CTNNA2: variants seen among roughly 807,000 people sequenced by gnomAD.
CTNNA2 encodes the protein catenin alpha 2.
Under a neutral mutation model 101.0 loss-of-function variants are expected in CTNNA2, and 42 were observed. The observed-to-expected ratio is 0.42, with a 90% CI of 0.32 to 0.54. CTNNA2 has a LOEUF of 0.54. Ranked by LOEUF, CTNNA2 falls within the 20% of genes least tolerant of loss-of-function variation. CTNNA2 has a pLI of 0.14. For missense variants in CTNNA2, 871 were observed against 1,223.1 expected (o/e 0.71, Z 4.29); for synonymous variants, 450 against 456.4 (o/e 0.99, Z 0.18).
At chr2:80,322,451 A>G (rs916268527) in intron 7 of CTNNA2, among the ~76,000 whole-genome samples, 3 of 152,100 alleles carry the variant, frequency 2.0e-5, no homozygotes, top group Non-Finnish European at 4.4e-5. Flanking sequence ...GTAACACACA[A>G]TTCGGGCCCA....
At chr2:79,334,329 T>C (rs1676942257) in intron 3 of CTNNA2, among the ~76,000 whole-genome samples, 1 of 151,750 alleles carries the variant, frequency 6.6e-6, no homozygotes, top group African/African-American at 2.4e-5. Context: ...ACCTAAAGAG[T>C]ATAACTCCAA....
intron 7 of CTNNA2, among the ~76,000 whole-genome samples, chr2:80,210,837 G>T (rs1558906285): frequency 6.6e-6 from 1 of 152,178 alleles, no homozygotes; most frequent in Non-Finnish European, 1.5e-5. Flanking sequence ...CACCAACAGT[G>T]TAAAAGTGTT....
intron 3 of CTNNA2, among the ~76,000 whole-genome samples, chr2:79,371,938 A>G (rs188696938): frequency 2.6e-5 from 4 of 152,278 alleles, no homozygotes; most frequent in Admixed American, 2.6e-4. Context: ...ATAACTTGTC[A>G]AGATGATCTG....
intron 2 of CTNNA2, among the ~76,000 whole-genome samples, chr2:79,661,463 C>G (rs934992530): frequency 6.6e-6 from 1 of 152,190 alleles, no homozygotes. Flanking sequence ...TAATGTACTA[C>G]TCAATTGATT....
chr2:80,334,844 T>C (rs572873717), intron 7 of CTNNA2, among the ~76,000 whole-genome samples: 1 of 152,278 alleles, frequency 6.6e-6, no homozygotes, highest in South Asian at 2.1e-4. Context: ...TGCAGGGACA[T>C]GAGATTTTAA....
chr2:79,742,667 G>C (rs888060772), intron 2 of CTNNA2, among the ~76,000 whole-genome samples: 1 of 152,152 alleles, frequency 6.6e-6, no homozygotes, highest in Non-Finnish European at 1.5e-5. Context: ...TGCCTCACAT[G>C]GGTGGCACTG....
intron 3 of CTNNA2, among the ~76,000 whole-genome samples, chr2:79,330,474 G>A (rs922049485): frequency 6.6e-6 from 1 of 152,120 alleles, no homozygotes. Flanking sequence ...CCCTGACTTT[G>A]TCTCCTCAGC....
Position 79,909,637 on chromosome 2 carries a change from T to G in CTNNA2, c.896T>G (p.Phe299Cys). Reference protein sequence around the residue: ...LDPMTFSEARFRPSLEERLES... With the variant: ...LDPMTFSEARCRPSLEERLES... ...CCCATGACGTTCAGCGAGGCCAGGT[T>G]CCGGCCGTCCCTGGAGGAGAGGCTG... The change falls in exon 7 of 19, where the codon TTC becomes TGC. Residue 299 changes from phenylalanine to cysteine, a missense_variant. Phe to Cys is a radical substitution (Grantham distance 205, BLOSUM62 -2). This residue lies in a region of CTNNA2 where 647 missense variants were observed against 831.5 expected (regional missense o/e 0.78). Transcript: ENST00000402739. 6.2e-7 allele frequency: 1 copy of G among 1,613,190 alleles called. No individual in the cohort carries two copies. The highest frequency in any genetic ancestry group is 1.3e-5 in the African/African-American group (1 of 75,052).
intron 9 of CTNNA2, among the ~76,000 whole-genome samples, chr2:80,461,674 C>T (rs1016818071): frequency 1.3e-5 from 2 of 151,412 alleles, no homozygotes; most frequent in South Asian, 2.1e-4. Context: ...TGCTAGGATC[C>T]GAAACTTAAA....
chr2:80,008,569 C>A (rs1693545167), intron 7 of CTNNA2, among the ~76,000 whole-genome samples: 1 of 152,136 alleles, frequency 6.6e-6, no homozygotes, highest in South Asian at 2.1e-4. Flanking sequence ...AAACAGTGGA[C>A]CCAGATTCAA....
chr2:79,737,469 G>A (rs1303177123), intron 2 of CTNNA2, among the ~76,000 whole-genome samples: 1 of 151,976 alleles, frequency 6.6e-6, no homozygotes, highest in African/African-American at 2.4e-5. Flanking sequence ...TGTATGCAAC[G>A]AATGCAAAAT....
At chr2:79,695,848 C>T (rs1684620468) in intron 2 of CTNNA2, among the ~76,000 whole-genome samples, 1 of 152,012 alleles carries the variant, frequency 6.6e-6, no homozygotes, top group Non-Finnish European at 1.5e-5. Flanking sequence ...ATGGGGTCCC[C>T]TACCAAGAGG....
intron 7 of CTNNA2, among the ~76,000 whole-genome samples, chr2:80,339,191 ATG>A (rs1354329982): frequency 3.3e-5 from 5 of 151,756 alleles, no homozygotes; most frequent in Non-Finnish European, 4.4e-5. Flanking sequence ...GTGTGTGCAC[ATG>A]TGTGTGTGTG....
At chr2:80,558,228 C>T (rs1693217863) in intron 12 of CTNNA2, among the ~76,000 whole-genome samples, 1 of 152,022 alleles carries the variant, frequency 6.6e-6, no homozygotes, top group African/African-American at 2.4e-5. Flanking sequence ...GGTATTTGTC[C>T]CCAATTGTTC....
intron 14 of CTNNA2, 53 bp from the exon 15 acceptor site, chr2:80,589,250 CG>C: frequency 6.4e-7 from 1 of 1,567,190 alleles, no homozygotes; most frequent in Non-Finnish European, 8.7e-7. Flanking sequence ...AGTCAACATA[CG>C]GTCTGTACTT....
chr2:80,187,478 C>T (rs1706202710), intron 7 of CTNNA2, among the ~76,000 whole-genome samples: 1 of 152,236 alleles, frequency 6.6e-6, no homozygotes. Context: ...GTATGTTGCT[C>T]ATCTATACTT....
chr2:79,586,795 A>G (rs1407440945), intron 1 of CTNNA2, among the ~76,000 whole-genome samples: 1 of 152,080 alleles, frequency 6.6e-6, no homozygotes, highest in Non-Finnish European at 1.5e-5. Context: ...ACTGTACCCA[A>G]TATGTCGTCT....
intron 7 of CTNNA2, among the ~76,000 whole-genome samples, chr2:80,006,951 C>T (rs531104280): frequency 2.6e-5 from 4 of 152,304 alleles, no homozygotes; most frequent in Admixed American, 6.5e-5. Flanking sequence ...AGTCCTATTT[C>T]ATCAGCATCA....
At chr2:79,663,100 A>T (rs953519) in intron 2 of CTNNA2, among the ~76,000 whole-genome samples, 84,813 of 151,856 alleles carry the variant, frequency 0.56, 23,967 homozygotes, top group East Asian at 0.79. Flanking sequence ...AGTTTTTCAC[A>T]GAGCCCTAGT....
Sources: allele counts gnomAD v4.1 joint callset (sites outside exome capture counted in the v4.1 genomes callset), GRCh38; gene constraint gnomAD v4.1.1; regional missense constraint gnomAD v4.1.1; transcripts MANE v1.5; gene names NCBI Gene and HGNC (gene_info 2026-07-23, HGNC 2026-07-21).